KIF1B: variants seen among roughly 807,000 people sequenced by gnomAD.
KIF1B encodes the protein kinesin family member 1B.
KIF1B carries 76 observed loss-of-function variants against 241.9 expected under a neutral mutation model. That is an observed-to-expected ratio of 0.31 (90% CI 0.26 to 0.38). The LOEUF (loss-of-function observed/expected upper bound fraction) is 0.38. Among genes scored for constraint, KIF1B ranks in the 10% least tolerant of loss-of-function variants. KIF1B has a pLI of 1.00. For synonymous variants in KIF1B, 750 were observed against 796.7 expected, an observed-to-expected ratio of 0.94 and a Z score of 0.99; for missense variants, 1,622 against 2,271.4, an observed-to-expected ratio of 0.71 and a Z score of 5.81.
chr1:10,243,874 C>T lies in KIF1B; in HGVS notation c.106+11440C>T, dbSNP rs2102154360. Among the ~76,000 whole-genome samples the T allele has an allele frequency of 1.3e-5, 2 of 152,142 alleles. 1 individual carries two copies. Among genetic ancestry groups the T allele is most frequent in the East Asian group, 3.8e-4 (2 of 5,200 alleles). ...GATTATCAGTTTACATGTCTTTGGG[C>T]ATTTTAGGTAGAGTGAAATCTAGGC... is the stretch of plus-strand genomic sequence containing the variant. On this transcript the variant is annotated intron_variant, in intron 2 of 48. Transcript: ENST00000676179.
At chr1:10,372,630 ATTGCGCCGCTGCGCGCCAGC>A (rs1638765640) in intron 45 of KIF1B, among the ~76,000 whole-genome samples, 1 of 130,166 alleles carries the variant, frequency 7.7e-6, no homozygotes, top group African/African-American at 2.8e-5. Context: ...GTGAGCCGAG[ATTGCGCCGCTGCGCGCCAGC>A]TTGGGTGACA....
At chr1:10,214,567 C>T (rs1380659597) in intron 1 of KIF1B, among the ~76,000 whole-genome samples, 1 of 150,794 alleles carries the variant, frequency 6.6e-6, no homozygotes, top group East Asian at 1.9e-4. Context: ...GGATTACAGG[C>T]ATGAGCCACC....
chr1:10,293,433 G>A (rs1215360308), intron 17 of KIF1B, among the ~76,000 whole-genome samples: 1 of 134,398 alleles, frequency 7.4e-6, no homozygotes, highest in Non-Finnish European at 1.5e-5. Context: ...GTCTCACTCT[G>A]TCGCCAGGCT....
chr1:10,358,558 AAT>A (rs1638321775), intron 38 of KIF1B, among the ~76,000 whole-genome samples: 1 of 151,862 alleles, frequency 6.6e-6, no homozygotes, highest in South Asian at 2.1e-4. Context: ...ACAGGAACAC[AAT>A]AAAAGAGCAG....
chr1:10,322,964 G>T (rs1391953494), intron 24 of KIF1B, among the ~76,000 whole-genome samples: 1 of 152,086 alleles, frequency 6.6e-6, no homozygotes, highest in African/African-American at 2.4e-5. Flanking sequence ...GATAGGATCT[G>T]GCTCTGTCGC....
rs377329617 is a variant in KIF1B, at chr1:10,310,464, A to T, written c.2116-9579A>T. Among the ~76,000 whole-genome samples the T allele has an allele frequency of 2.6e-5, 4 of 151,740 alleles. No homozygotes were observed. In the East Asian group the frequency reaches 7.7e-4, roughly 29 times the overall value. ...TGTGGTCTTTTTTGTGAAACTGTTC[A>T]ACTCTATTGTTGTAGTACGAAAGCA... On this transcript the variant is annotated intron_variant, in intron 22 of 48. Coordinates refer to ENST00000676179, the MANE Select transcript of KIF1B (RefSeq NM_001365951.3).
chr1:10,334,149 CAAAAAAAAAA>C lies in KIF1B; in HGVS notation c.2925-360_2925-351del, dbSNP rs372716443. Among the ~76,000 whole-genome samples the C allele has an allele frequency of 1.3e-4, 11 of 82,948 alleles. No homozygotes were observed. The East Asian group carries it at 3.7e-3, about 28-fold the overall frequency. 54.4% of individuals were successfully genotyped at this position (82,948 alleles called of 152,430 possible). ...CTGGCGACAGAGCGAGACTCTGTCTCAAAAAAAAAAAAAAAAAAAAGGTTGAGCTCTTGAA... is the reference window on the plus strand; with the variant it reads ...CTGGCGACAGAGCGAGACTCTGTCTCAAAAAAAAAAGGTTGAGCTCTTGAA... On this transcript the variant is annotated intron_variant, in intron 27 of 48. Transcript: ENST00000676179.
chr1:10,372,284 C>T (rs1381826804), intron 45 of KIF1B, among the ~76,000 whole-genome samples: 1 of 152,132 alleles, frequency 6.6e-6, no homozygotes, highest in Non-Finnish European at 1.5e-5. Flanking sequence ...CCTGTAATCC[C>T]AGCACTTTCA....
At chr1:10,336,548 A>G in intron 28 of KIF1B, 109 bp from the exon 29 acceptor site, 1 of 855,570 alleles carries the variant, frequency 1.2e-6, no homozygotes, top group Non-Finnish European at 2.0e-6. Context: ...CTACTTTGGT[A>G]TCATTCTCTC....
At chr1:10,317,474 CAG>C (rs1651350344) in intron 22 of KIF1B, among the ~76,000 whole-genome samples, 1 of 151,314 alleles carries the variant, frequency 6.6e-6, no homozygotes. Flanking sequence ...CTTTCAGTGG[CAG>C]TGGTACTTAG....
At chr1:10,347,392 G>A (rs1158248287) in intron 35 of KIF1B, among the ~76,000 whole-genome samples, 1 of 152,100 alleles carries the variant, frequency 6.6e-6, no homozygotes, top group Non-Finnish European at 1.5e-5. Context: ...TGAGGGAGAG[G>A]TAGTTACAGT....
intron 1 of KIF1B, among the ~76,000 whole-genome samples, chr1:10,224,727 AT>A (rs5772400): frequency 0.14 from 21,050 of 152,146 alleles, 1,581 homozygotes; most frequent in African/African-American, 0.18. Flanking sequence ...CCTGGCCCCA[AT>A]TTATGTTTTT....
intron 1 of KIF1B, among the ~76,000 whole-genome samples, chr1:10,217,954 G>A (rs1326270463): frequency 6.6e-6 from 1 of 152,118 alleles, no homozygotes; most frequent in Non-Finnish European, 1.5e-5. Flanking sequence ...ACTGCCTGTT[G>A]CATTGTAGGC....
chr1:10,294,480 A>G (rs1650161422), intron 17 of KIF1B, among the ~76,000 whole-genome samples: 1 of 152,150 alleles, frequency 6.6e-6, no homozygotes, highest in African/African-American at 2.4e-5. Flanking sequence ...CAAAAATTAT[A>G]ATTATTCCGT....
chr1:10,230,391 A>G (rs1305930997), intron 1 of KIF1B, among the ~76,000 whole-genome samples: 1 of 150,878 alleles, frequency 6.6e-6, no homozygotes, highest in Non-Finnish European at 1.5e-5. Context: ...TATATTGGAT[A>G]GAGTGTAGAG....
intron 15 of KIF1B, among the ~76,000 whole-genome samples, chr1:10,287,651 T>G (rs1649780690): frequency 6.6e-6 from 1 of 152,188 alleles, no homozygotes; most frequent in South Asian, 2.1e-4. Flanking sequence ...TGCAAAGAGA[T>G]CATGTTCTGA....
chr1:10,318,349 C>T lies in KIF1B; in HGVS notation c.2116-1694C>T, dbSNP rs1043910886. ...AATGTTTGATGTGGGACTTGGAGAG[C>T]TCTGTTTGGAAACAGTGGATAGTCA... On this transcript the variant is annotated intron_variant, in intron 22 of 48. Coordinates refer to ENST00000676179, the MANE Select transcript of KIF1B (RefSeq NM_001365951.3). Among the ~76,000 whole-genome samples the T allele has an allele frequency of 1.3e-5, 2 of 151,502 alleles. 1 individual carries two copies. Among genetic ancestry groups the T allele is most frequent in the African/African-American group, 4.9e-5 (2 of 40,796 alleles).
At position 10,219,129 on chromosome 1, in the gene KIF1B, A is replaced by G. The variant is rs138862558; in HGVS notation, c.-80+8251A>G. Among the ~76,000 whole-genome samples the G allele has an allele frequency of 8.7e-3, 1,326 of 152,324 alleles. 12 individuals carry two copies. The highest frequency in any genetic ancestry group is 0.015 in the Admixed American group (237 of 15,296). On this transcript the variant is annotated intron_variant, in intron 1 of 48. Coordinates refer to ENST00000676179, the MANE Select transcript of KIF1B (RefSeq NM_001365951.3). ...CTTTTTTCCTAGTATTAAATTCTAA[A>G]GATGTTCTAAGAGAAAATTGTTATA...
intron 2 of KIF1B, among the ~76,000 whole-genome samples, chr1:10,244,271 T>C (rs187779342): frequency 6.6e-6 from 1 of 152,016 alleles, no homozygotes; most frequent in East Asian, 1.9e-4. Flanking sequence ...ATAAGCAGTG[T>C]ATAAAATATT....
Sources: allele counts gnomAD v4.1 joint callset (sites outside exome capture counted in the v4.1 genomes callset), GRCh38; gene constraint gnomAD v4.1.1; transcripts MANE v1.5; gene names NCBI Gene and HGNC (gene_info 2026-07-23, HGNC 2026-07-21).